The following FBXL17 variants were observed in gnomAD, a reference collection of about 807,000 sequenced individuals.
FBXL17 encodes F-box and leucine rich repeat protein 17.
FBXL17 carries 22 observed loss-of-function variants against 66.2 expected under a neutral mutation model. The observed-to-expected ratio is 0.33, with a 90% confidence interval of 0.24 to 0.47. The LOEUF is 0.47. Ranked by LOEUF, FBXL17 falls within the 20% of genes least tolerant of loss-of-function variation. The probability of loss-of-function intolerance (pLI) is 1.00; values close to 1 mark genes in which losing one functional copy is unlikely to be tolerated. For synonymous variants in FBXL17, 474 were observed against 400.5 expected, an observed-to-expected ratio of 1.18 and a Z score of -2.19; for missense variants, 878 against 948.2, an observed-to-expected ratio of 0.93 and a Z score of 0.97.
At chr5:108,006,512 G>A (rs1424703609) in intron 7 of FBXL17, among the ~76,000 whole-genome samples, 23 of 152,160 alleles carry the variant, frequency 1.5e-4, no homozygotes, top group Non-Finnish European at 2.9e-5. Context: ...TGGTTATGAC[G>A]AAGTGATAGA....
chr5:108,186,554 G>A (rs570767107), intron 5 of FBXL17, among the ~76,000 whole-genome samples: 11 of 152,106 alleles, frequency 7.2e-5, no homozygotes, highest in South Asian at 6.2e-4. Flanking sequence ...GGTGGATCAC[G>A]AGGTAAGGAG....
At chr5:108,030,551 T>C (rs1221391599) in intron 6 of FBXL17, among the ~76,000 whole-genome samples, 1 of 152,126 alleles carries the variant, frequency 6.6e-6, no homozygotes, top group Non-Finnish European at 1.5e-5. Context: ...TGCATCTCTT[T>C]GGCGTATTTT....
intron 3 of FBXL17, among the ~76,000 whole-genome samples, chr5:108,362,521 C>A (rs1474795840): frequency 5.3e-5 from 8 of 151,978 alleles, no homozygotes; most frequent in African/African-American, 1.9e-4. Flanking sequence ...AAGATATATA[C>A]AATAGGAACA....
intron 6 of FBXL17, among the ~76,000 whole-genome samples, chr5:108,108,162 T>C (rs1275334382): frequency 6.6e-6 from 1 of 152,238 alleles, no homozygotes; most frequent in African/African-American, 2.4e-5. Context: ...CCATGAGCTG[T>C]ATTTCAAACT....
chr5:108,364,496 A>G (rs554369056), intron 3 of FBXL17, among the ~76,000 whole-genome samples: 1 of 152,138 alleles, frequency 6.6e-6, no homozygotes, highest in South Asian at 2.1e-4. Context: ...ACAAAAGCAT[A>G]AATTTATAAA....
At chr5:107,869,029 C>A (rs972175780) in intron 8 of FBXL17, among the ~76,000 whole-genome samples, 2 of 152,284 alleles carry the variant, frequency 1.3e-5, no homozygotes, top group East Asian at 3.9e-4. Flanking sequence ...AGATGGACCC[C>A]TTTATTTGCA....
At chr5:108,295,232 C>T (rs887993871) in intron 4 of FBXL17, among the ~76,000 whole-genome samples, 1 of 151,630 alleles carries the variant, frequency 6.6e-6, no homozygotes, top group Admixed American at 6.6e-5. Context: ...TATTTTACTA[C>T]AAGAAAAAAT....
At chr5:108,072,709 A>AG (rs1748388853) in intron 6 of FBXL17, among the ~76,000 whole-genome samples, 1 of 151,752 alleles carries the variant, frequency 6.6e-6, no homozygotes, top group South Asian at 2.1e-4. Flanking sequence ...CTCTGTCTCA[A>AG]AAAAAGAAAG....
intron 7 of FBXL17, among the ~76,000 whole-genome samples, chr5:108,003,613 C>T (rs557554841): frequency 2.4e-4 from 37 of 152,024 alleles, no homozygotes; most frequent in Non-Finnish European, 4.3e-4. Context: ...AAAACATGAG[C>T]AAGTAACATG....
At chr5:108,138,760 C>T (rs978495356) in intron 6 of FBXL17, among the ~76,000 whole-genome samples, 4 of 152,066 alleles carry the variant, frequency 2.6e-5, no homozygotes, top group African/African-American at 7.2e-5. Flanking sequence ...AGACTCAGTC[C>T]CCACTCTCAT....
chr5:108,111,918 T>C (rs189911428), intron 6 of FBXL17, among the ~76,000 whole-genome samples: 3 of 152,286 alleles, frequency 2.0e-5, no homozygotes, highest in Admixed American at 2.0e-4. Context: ...TTGACACACA[T>C]TGAACAAGGG....
At chr5:108,160,398 T>C (rs749396830) in intron 6 of FBXL17, among the ~76,000 whole-genome samples, 2 of 152,200 alleles carry the variant, frequency 1.3e-5, no homozygotes, top group Non-Finnish European at 2.9e-5. Flanking sequence ...CTTTTCTCTA[T>C]AATTGTAACT....
chr5:108,330,014 A>G (rs1760047112), intron 4 of FBXL17, among the ~76,000 whole-genome samples: 1 of 152,180 alleles, frequency 6.6e-6, no homozygotes, highest in Non-Finnish European at 1.5e-5. Flanking sequence ...ACTGCTTCAT[A>G]TGTGGTTAGT....
chr5:108,364,199 G>A (rs776551616), intron 3 of FBXL17, among the ~76,000 whole-genome samples: 28 of 151,842 alleles, frequency 1.8e-4, no homozygotes, highest in African/African-American at 2.4e-4. Flanking sequence ...AATCCACTCC[G>A]AGCCAAGAAA....
chr5:108,066,635 A>G (rs1748126127), intron 6 of FBXL17, among the ~76,000 whole-genome samples: 1 of 151,986 alleles, frequency 6.6e-6, no homozygotes, highest in African/African-American at 2.4e-5. Context: ...AAAACATTAA[A>G]ACGTTCTTTT....
At position 108,163,440 on chromosome 5, in the gene FBXL17, G is replaced by A. The variant is rs190375739; in HGVS notation, c.1745+22677C>T. ...TTTTGAGACAGAGTCTTGGTCTGTC[G>A]CCCAGGCTGGAGTGCAGTGGCGCGA... On this transcript the variant is annotated intron_variant, in intron 6 of 8. Coordinates refer to ENST00000542267, the MANE Select transcript of FBXL17 (RefSeq NM_001163315.3). Among the ~76,000 whole-genome samples, 180 of 133,444 alleles carry A rather than the reference G, an allele frequency of 1.3e-3. 3 individuals carry two copies. The Middle Eastern group carries it at 0.014, about 10-fold the overall frequency. 87.5% of individuals were successfully genotyped at this position (133,444 alleles called of 152,430 possible).
At chr5:108,012,998 G>A (rs1055820557) in intron 7 of FBXL17, among the ~76,000 whole-genome samples, 5 of 109,732 alleles carry the variant, frequency 4.6e-5, no homozygotes, top group Admixed American at 3.9e-4. Context: ...TGGGTAACAA[G>A]AGCGAAACTC....
intron 6 of FBXL17, among the ~76,000 whole-genome samples, chr5:108,165,215 T>A (rs544405990): frequency 1.8e-4 from 28 of 152,194 alleles, no homozygotes; most frequent in African/African-American, 6.8e-4. Context: ...TATAGTTCTA[T>A]AGTTATTAAA....
At chr5:107,972,530 T>C (rs1752410312) in intron 7 of FBXL17, among the ~76,000 whole-genome samples, 1 of 152,198 alleles carries the variant, frequency 6.6e-6, no homozygotes, top group Admixed American at 6.5e-5. Flanking sequence ...AGAAGTTTCT[T>C]CCAATGTAAG....
Sources: allele counts gnomAD v4.1 joint callset (sites outside exome capture counted in the v4.1 genomes callset), GRCh38; gene constraint gnomAD v4.1.1; transcripts MANE v1.5; gene names NCBI Gene and HGNC (gene_info 2026-07-23, HGNC 2026-07-21).